Variants in ZFAND6 observed in about 807,000 individuals in gnomAD.
ZFAND6 encodes the protein zinc finger AN1-type containing 6.
Under a neutral mutation model 24.5 loss-of-function variants are expected in ZFAND6, and 12 were observed. The observed-to-expected ratio is 0.49, with a 90% confidence interval of 0.31 to 0.79. The LOEUF (loss-of-function observed/expected upper bound fraction) is 0.79, where lower values mean the gene tolerates loss of function less well. ZFAND6 is among the 30% of genes least tolerant of loss of function. The pLI, the probability that ZFAND6 is intolerant of heterozygous loss-of-function variation, is 0.04. For missense variants in ZFAND6, 207 were observed against 245.9 expected (o/e 0.84, Z 1.06); for synonymous variants, 92 against 81.5 (o/e 1.13, Z -0.69).
chr15:80,068,112 C>G (rs2036760312), intron 1 of ZFAND6, among the ~76,000 whole-genome samples: 1 of 150,114 alleles, frequency 6.7e-6, no homozygotes, highest in South Asian at 2.1e-4. Context: ...CAGGCGAGCA[C>G]CACCGCGCCT....
chr15:80,121,919 A>G, intron 4 of ZFAND6, 99 bp downstream of exon 4: 1 of 1,056,304 alleles, frequency 9.5e-7, no homozygotes, highest in Non-Finnish European at 1.3e-6. Flanking sequence ...AGCTACTTTT[A>G]GATTAACTGG....
chr15:80,110,853 G>A (rs746576930), intron 2 of ZFAND6, among the ~76,000 whole-genome samples: 4 of 152,210 alleles, frequency 2.6e-5, no homozygotes, highest in Non-Finnish European at 5.9e-5. Flanking sequence ...ATGGATTGCA[G>A]ATCTAAAAGT....
At chr15:80,104,037 C>T (rs965959477) in intron 2 of ZFAND6, among the ~76,000 whole-genome samples, 14 of 152,156 alleles carry the variant, frequency 9.2e-5, no homozygotes, top group Non-Finnish European at 1.5e-4. Context: ...TTTGTAGAGA[C>T]GGGGATCTCA....
intron 2 of ZFAND6, among the ~76,000 whole-genome samples, chr15:80,110,549 A>G (rs1430853435): frequency 6.6e-6 from 1 of 152,054 alleles, no homozygotes; most frequent in Non-Finnish European, 1.5e-5. Context: ...TTTATGTGGA[A>G]ATGCAAAGAG....
At chr15:80,080,714 A>T (rs993486571) in intron 1 of ZFAND6, among the ~76,000 whole-genome samples, 1 of 152,206 alleles carries the variant, frequency 6.6e-6, no homozygotes, top group Admixed American at 6.5e-5. Context: ...GCTGTGCAGG[A>T]GACATGGCAC....
chr15:80,132,396 G>A (rs1434921976), intron 6 of ZFAND6, among the ~76,000 whole-genome samples: 2 of 152,080 alleles, frequency 1.3e-5, no homozygotes, highest in Admixed American at 1.3e-4. Context: ...ATCAAAACTT[G>A]CCTATACAAT....
chr15:80,091,876 G>A (rs139834925), intron 1 of ZFAND6, among the ~76,000 whole-genome samples: 207 of 152,268 alleles, frequency 1.4e-3, no homozygotes, highest in African/African-American at 4.7e-3. Flanking sequence ...CTGACCTCAA[G>A]CGATCCTCTC....
Position 80,122,759 on chromosome 15 carries a change from C to T in ZFAND6, c.323C>T (p.Thr108Ile). ...ESVASSQLDS[T>I]SVDKAVPETE... ...GTAGCATCTTCTCAATTGGACAGTA[C>T]ATCTGTGGACAAAGCAGTACCTGAA... The change falls in exon 5 of 7, where the codon ACA becomes ATA. Residue 108 changes from threonine (T) to isoleucine (I), a missense_variant. By Grantham distance (89) the Thr-to-Ile change is moderately conservative (BLOSUM62 -1). Around this residue, in one of 3 missense-constraint regions of ZFAND6, gnomAD observed 133 missense variants for 122.8 expected, o/e 1.08. Transcript: ENST00000261749. 9 of 1,613,570 alleles carry T rather than the reference C, an allele frequency of 5.6e-6. No homozygotes were observed. Among genetic ancestry groups the T allele is most frequent in the South Asian group, 1.1e-5 (1 of 91,062 alleles).
rs534087856 is a variant in ZFAND6 at position 80,075,557 on chromosome 15, A to G, written c.-181+15748A>G. On this transcript the variant is annotated intron_variant, in intron 1 of 6. Coordinates refer to ENST00000261749, the MANE Select transcript of ZFAND6 (RefSeq NM_019006.4). ...TATTTGGGTCAAGATATGAAAAGTG[A>G]TGGTTGCGTTTTATTTCAAAAATAA... Among the ~76,000 whole-genome samples the G allele has an allele frequency of 2.0e-4, 31 of 152,042 alleles. 1 individual carries two copies. Among genetic ancestry groups the G allele is most frequent in the Non-Finnish European group, 2.9e-5 (2 of 67,914 alleles).
intron 1 of ZFAND6, among the ~76,000 whole-genome samples, chr15:80,076,712 CTG>C (rs2037303496): frequency 6.8e-6 from 1 of 146,642 alleles, no homozygotes; most frequent in East Asian, 1.9e-4. Context: ...TACTTTAAAA[CTG>C]AGGTTTGTCA....
At chr15:80,115,505 C>T (rs953234823) in intron 2 of ZFAND6, among the ~76,000 whole-genome samples, 3 of 152,054 alleles carry the variant, frequency 2.0e-5, no homozygotes, top group Non-Finnish European at 4.4e-5. Context: ...ACTGATTGCC[C>T]CAAAAAGGTA....
At chr15:80,088,439 G>A (rs570477425) in intron 1 of ZFAND6, among the ~76,000 whole-genome samples, 67 of 152,228 alleles carry the variant, frequency 4.4e-4, no homozygotes, top group Non-Finnish European at 7.5e-4. Flanking sequence ...GGTGGTGCAC[G>A]CCTGTAATCC....
intron 5 of ZFAND6, among the ~76,000 whole-genome samples, chr15:80,124,416 G>C (rs1216152384): frequency 6.6e-6 from 1 of 151,392 alleles, no homozygotes; most frequent in Non-Finnish European, 1.5e-5. Flanking sequence ...CTGGGCAACA[G>C]AGCGAGACTC....
rs1022129587 is a variant in ZFAND6, at chr15:80,062,307, G to C, written c.-181+2498G>C. The stretch of plus-strand genomic sequence containing the variant: ...TAAGGGAAAGCATTAGGACCAAGGT[G>C]TTATTCTGTGGAATTAAATTTTGTA... On this transcript the variant is annotated intron_variant, in intron 1 of 6. Coordinates refer to ENST00000261749, the MANE Select transcript of ZFAND6 (RefSeq NM_019006.4). Among the ~76,000 whole-genome samples, 14 of 152,186 alleles carry C rather than the reference G, an allele frequency of 9.2e-5. No homozygotes were observed. In the East Asian group the frequency reaches 2.5e-3, roughly 27 times the overall value.
intron 2 of ZFAND6, among the ~76,000 whole-genome samples, chr15:80,109,706 T>A (rs1410434400): frequency 6.6e-6 from 1 of 152,146 alleles, no homozygotes; most frequent in Non-Finnish European, 1.5e-5. Flanking sequence ...GGCAGTGTGA[T>A]TGATTTAGAT....
chr15:80,103,892 A>C (rs1440240828), intron 2 of ZFAND6, among the ~76,000 whole-genome samples: 1 of 152,154 alleles, frequency 6.6e-6, no homozygotes, highest in African/African-American at 2.4e-5. Flanking sequence ...TCTGTCACCT[A>C]TGCAGGGGTG....
chr15:80,112,747 C>G, intron 2 of ZFAND6: 1 of 455,930 alleles, frequency 2.2e-6, no homozygotes, highest in Non-Finnish European at 4.4e-6. Context: ...CTTACCATCC[C>G]TCATGTCTCT....
intron 1 of ZFAND6, among the ~76,000 whole-genome samples, chr15:80,079,219 C>T (rs954219488): frequency 1.3e-5 from 2 of 151,994 alleles, no homozygotes; most frequent in African/African-American, 4.8e-5. Context: ...TTACTCTGTT[C>T]TTTCTTTCCT....
In ZFAND6 at chr15:80,121,806, A is replaced by G. The variant is rs749879896; in HGVS notation, c.249A>G (p.Ser83=). The G allele has an allele frequency of 1.0e-4, 163 of 1,613,274 alleles. 1 individual carries two copies. The Middle Eastern group carries it at 1.7e-3, about 16-fold the overall frequency. Residue 83 remains serine (S), a synonymous_variant, in exon 4 of 7, where the codon TCA becomes TCG. Coordinates refer to ENST00000261749, the MANE Select transcript of ZFAND6 (RefSeq NM_019006.4). ...AGTCAGCATTAGACTCTACATCTTC[A>G]TCTATGCAGCCCAGGTAAGATGTAC... ...EAQSALDSTS[S]SMQPSPVSNQ...
Sources: gnomAD v4.1 joint callset for allele counts (sites outside exome capture counted in the v4.1 genomes callset) on GRCh38, gnomAD v4.1.1 for gene constraint, gnomAD v4.1.1 regional missense constraint, MANE v1.5 for transcripts, NCBI Gene and HGNC (gene_info 2026-07-23, HGNC 2026-07-21) for gene names.